Variants in CLXN observed in about 807,000 individuals in gnomAD.
The protein encoded by CLXN is calaxin, also known as EF-hand calcium binding domain 1.
At chr8:48,728,200 C>A in the CLXN span, among the ~76,000 whole-genome samples, 2 of 152,182 alleles carry the variant, frequency 1.3e-5, no homozygotes, top group Admixed American at 1.3e-4. Flanking sequence ...TGTGCTTCTG[C>A]AGCCTCATCA....
the CLXN span, among the ~76,000 whole-genome samples, chr8:48,733,073 C>G: frequency 6.6e-6 from 1 of 152,048 alleles, no homozygotes; most frequent in Admixed American, 6.6e-5. Context: ...AAATTAAGCA[C>G]TTAAAATGGT....
chr8:48,720,382 T>A, the CLXN span, among the ~76,000 whole-genome samples: 1 of 152,044 alleles, frequency 6.6e-6, no homozygotes, highest in Non-Finnish European at 1.5e-5. Flanking sequence ...AATATTAATA[T>A]CCTGGGGAAG....
At chr8:48,733,938 C>T in the CLXN span, among the ~76,000 whole-genome samples, 1 of 151,968 alleles carries the variant, frequency 6.6e-6, no homozygotes, top group African/African-American at 2.4e-5. Flanking sequence ...ACCTATTCTC[C>T]CAGAAATGAA....
chr8:48,712,754 A>C, the CLXN span, among the ~76,000 whole-genome samples: 1 of 152,192 alleles, frequency 6.6e-6, no homozygotes, highest in Non-Finnish European at 1.5e-5. Context: ...TAATCCCAGC[A>C]CATTGGGAGG....
chr8:48,730,038 C>T, the CLXN span: 5 of 493,358 alleles, frequency 1.0e-5, no homozygotes, highest in African/African-American at 7.8e-5. Context: ...ATACAATAAT[C>T]CTTAGAAAAT....
At chr8:48,734,304 T>C in the CLXN span, among the ~76,000 whole-genome samples, 4 of 152,218 alleles carry the variant, frequency 2.6e-5, no homozygotes, top group Non-Finnish European at 5.9e-5. Context: ...GGAAATTATC[T>C]TCCTCATCTA....
At chr8:48,726,496 C>CCATG in the CLXN span, among the ~76,000 whole-genome samples, 5 of 150,134 alleles carry the variant, frequency 3.3e-5, no homozygotes, top group South Asian at 1.1e-3. Context: ...ATCCATCCAT[C>CCATG]CATCCATCCA....
At chr8:48,729,671 T>C in the CLXN span, 1 of 1,529,548 alleles carries the variant, frequency 6.5e-7, no homozygotes, top group Non-Finnish European at 8.9e-7. Flanking sequence ...TTCTAGCCCA[T>C]ATCTGGCCCA....
At chr8:48,715,002 A>G in the CLXN span, 17 of 152,230 alleles carry the variant, frequency 1.1e-4, no homozygotes, top group Admixed American at 1.0e-3. Flanking sequence ...CAGACAAATA[A>G]TGACCTCAAA....
At chr8:48,727,458 A>G in the CLXN span, among the ~76,000 whole-genome samples, 1 of 152,300 alleles carries the variant, frequency 6.6e-6, no homozygotes, top group African/African-American at 2.4e-5. Flanking sequence ...TGGTCAAGAC[A>G]GGGCTCTGTG....
the CLXN span, among the ~76,000 whole-genome samples, chr8:48,722,252 G>A: frequency 3.9e-5 from 6 of 152,136 alleles, no homozygotes; most frequent in African/African-American, 1.4e-4. Flanking sequence ...CTCTTACAGA[G>A]GCTATTATCA....
the CLXN span, chr8:48,729,281 T>C: frequency 4.5e-6 from 3 of 671,120 alleles, no homozygotes; most frequent in Non-Finnish European, 7.3e-6. Flanking sequence ...TCATAGCACT[T>C]TGGGAGGCTA....
At chr8:48,714,387 G>A in the CLXN span, among the ~76,000 whole-genome samples, 1 of 152,178 alleles carries the variant, frequency 6.6e-6, no homozygotes, top group Non-Finnish European at 1.5e-5. Context: ...GAGGAGATGT[G>A]TTCTAGATAT....
chr8:48,724,940 T>G, the CLXN span: 825 of 602,436 alleles, frequency 1.4e-3, 18 homozygotes, highest in East Asian at 0.019. Flanking sequence ...TTCAAGCGTT[T>G]CACTCACAGA....
the CLXN span, among the ~76,000 whole-genome samples, chr8:48,713,015 A>G: frequency 1.3e-5 from 2 of 151,578 alleles, no homozygotes; most frequent in Non-Finnish European, 2.9e-5. Context: ...AAAAAGAAAG[A>G]AAAAGAAAAA....
the CLXN span, among the ~76,000 whole-genome samples, chr8:48,719,272 T>C: frequency 3.5e-4 from 53 of 152,138 alleles, no homozygotes; most frequent in Non-Finnish European, 8.8e-5. Context: ...ACTGAATCAG[T>C]AATCAGAAAG....
At chr8:48,729,722 T>A in the CLXN span, 1 of 1,603,136 alleles carries the variant, frequency 6.2e-7, no homozygotes, top group East Asian at 2.2e-5. Context: ...ATATTTACCA[T>A]TTTCTTCAGT....
the CLXN span, chr8:48,724,396 A>G: frequency 6.0e-6 from 1 of 167,904 alleles, no homozygotes; most frequent in African/African-American, 2.4e-5. Context: ...TCTTTTTGAC[A>G]TGCAGAATAT....
At chr8:48,724,608 T>C in the CLXN span, 2 of 616,694 alleles carry the variant, frequency 3.2e-6, no homozygotes, top group Non-Finnish European at 5.5e-6. Flanking sequence ...TGTTAAATGA[T>C]ATATGTAAGT....
Sources: allele counts gnomAD v4.1 joint callset (sites outside exome capture counted in the v4.1 genomes callset), GRCh38; gene constraint gnomAD v4.1.1; transcripts MANE v1.5; gene names NCBI Gene and HGNC (gene_info 2026-07-23, HGNC 2026-07-21).